CUL9: variants seen among roughly 807,000 people sequenced by gnomAD.
The protein encoded by CUL9 is cullin 9, also known as cullin-9.
Under a neutral mutation model 272.6 loss-of-function variants are expected in CUL9, and 79 were observed. The ratio of observed to expected loss-of-function variants is 0.29; its 90% CI spans 0.24 to 0.35. The LOEUF (loss-of-function observed/expected upper bound fraction) is 0.35, where lower values mean the gene tolerates loss of function less well. CUL9 is among the 10% of genes least tolerant of loss of function. The probability of loss-of-function intolerance (pLI) is 1.00; values close to 1 mark genes in which losing one functional copy is unlikely to be tolerated. For missense variants in CUL9, 2,532 were observed against 3,255.6 expected, an observed-to-expected ratio of 0.78 and a Z score of 5.41; for synonymous variants, 1,186 against 1,286.5, an observed-to-expected ratio of 0.92 and a Z score of 1.67.
Position 43,215,345 on chromosome 6 carries a change from C to G in CUL9, c.5936+19C>G, listed in dbSNP as rs747561945. 19 of 1,587,178 alleles carry G rather than the reference C, an allele frequency of 1.2e-5. No individual in the cohort carries two copies. In the African/African-American group the frequency reaches 2.0e-4, roughly 17 times the overall value. On this transcript the variant is annotated intron_variant, in intron 30 of 40. Transcript: ENST00000252050. ...AGCCCAGGTAGCCACTGCACCTGAC[C>G]CCTTGCAGTGAGGCGGGAGAGGTGG...
chr6:43,188,397 C>T (rs1773117818), intron 7 of CUL9, 126 bp from the exon 8 acceptor site: 1 of 983,108 alleles, frequency 1.0e-6, no homozygotes, highest in Admixed American at 2.9e-5. Flanking sequence ...AATTGGAAAA[C>T]TCTGCAAGCT....
chr6:43,206,095 CGCCTCCCACA>C lies in CUL9; in HGVS notation c.4885_4894del (p.Leu1629Ter), dbSNP rs1775024602. The C allele has an allele frequency of 1.2e-6, 2 of 1,614,052 alleles. No homozygotes were observed. On this transcript the variant is annotated frameshift_variant, in exon 25 of 41. Coordinates refer to ENST00000252050, the MANE Select transcript of CUL9 (RefSeq NM_015089.4). LOFTEE classifies it high-confidence loss of function. The surrounding 1 kb of genome is among the most constrained non-coding windows in gnomAD (Gnocchi z 4.8). ...GCAGATTGGCCTCTGTTTTCCCAAC[CGCCTCCCACA>C]GCTGATGCTGCAGAGCCTGAGCACC...
rs773274577 is a variant in CUL9 at position 43,187,104 on chromosome 6, AAG to A, written c.1387+12_1387+13del. 30 of 1,613,510 alleles carry A rather than the reference AAG, an allele frequency of 1.9e-5. No individual in the cohort carries two copies. ...TACTGTGTTGGGCACAGGTGAGCCT[AAG>A]AGGGGACATGGATAGCATGTCTCTG... On this transcript the variant is annotated intron_variant, in intron 5 of 40. Transcript: ENST00000252050.
Position 43,188,504 on chromosome 6 carries a change from CT to C in CUL9, c.1988-15del. 3 of 1,572,874 alleles carry C rather than the reference CT, an allele frequency of 1.9e-6. No individual in the cohort carries two copies. The highest frequency in any genetic ancestry group is 1.2e-5 in the South Asian group (1 of 84,484). ...GTGCCACAGTTCTTTTAGCCATTGC[CT>C]TTTCCCACCAATTTCAGAAATGGCC... is the stretch of plus-strand genomic sequence containing the variant. On this transcript the variant is annotated intron_variant, in intron 7 of 40. Transcript: ENST00000252050.
intron 20 of CUL9, 26 bp downstream of exon 20, chr6:43,204,013 C>T: frequency 6.4e-7 from 1 of 1,569,422 alleles, no homozygotes; most frequent in South Asian, 1.2e-5. Context: ...CCTGGCCCCA[C>T]TAACCAGTTC....
chr6:43,186,299 G>A lies in CUL9; in HGVS notation c.1095G>A (p.Gln365=), dbSNP rs772380914. ...TPRRQGWVFR[Q]RSEFSSRSGY... ...GAAGACAAGGGTGGGTCTTCCGCCA[G>A]CGCTCTGAATTCTCCAGCCGTAGTG... The change falls in exon 4 of 41, where the codon CAG becomes CAA. Residue 365 remains glutamine (Q), a synonymous_variant. Transcript: ENST00000252050. 1.2e-6 allele frequency: 2 copies of A among 1,614,108 alleles called. No individual in the cohort carries two copies. The highest frequency in any genetic ancestry group is 1.7e-6 in the Non-Finnish European group (2 of 1,180,062).
Position 43,222,311 on chromosome 6 carries a change from G to T in CUL9, c.6847-5G>T. On this transcript the variant is annotated splice_polypyrimidine_tract_variant and splice_region_variant and intron_variant, in intron 35 of 40. Transcript: ENST00000252050. ...CCAATAGCCCTCCCAACGTATCCTT[G>T]CTAGGTAAGCAAGGCAGCTCGCCAG... 1 of 1,613,904 alleles carries T rather than the reference G, an allele frequency of 6.2e-7. No individual in the cohort carries two copies. Among genetic ancestry groups the T allele is most frequent in the African/African-American group, 1.3e-5 (1 of 75,034 alleles).
At chr6:43,191,481 A>ATTTTTTTTTTTTTTTTTTTTTTTCTTT (rs1773487418) in intron 8 of CUL9, among the ~76,000 whole-genome samples, 1 of 97,480 alleles carries the variant, frequency 1.0e-5, no homozygotes, top group African/African-American at 5.1e-5. Context: ...CACCCAGCTA[A>ATTTTTTTTTTTTTTTTTTTTTTTCTTT]TTTTTTTTTT....
rs759041767 is a variant in CUL9, at chr6:43,196,131, T to G, written c.2451T>G (p.Asp817Glu). 1 of 1,614,134 alleles carries G rather than the reference T, an allele frequency of 6.2e-7. No individual in the cohort carries two copies. Among genetic ancestry groups the G allele is most frequent in the Admixed American group, 1.7e-5 (1 of 60,016 alleles). ...SEIPTFVTGRDSIHSLFDAQM... is the reference protein window; with the variant it reads ...SEIPTFVTGRESIHSLFDAQM... ...TCCCCACTTTTGTTACTGGCCGAGA[T>G]TCTATCCACTCTTTGTTTGATGCTC... The change falls in exon 10 of 41, where the codon GAT becomes GAG. Residue 817 changes from aspartate to glutamate, a missense_variant. Physicochemically the swap from Asp to Glu is conservative, Grantham distance 45. This residue lies in a region of CUL9 where 2,218 missense variants were observed against 2,788.6 expected (regional missense o/e 0.80). Coordinates refer to ENST00000252050, the MANE Select transcript of CUL9 (RefSeq NM_015089.4).
chr6:43,222,044 A>G (rs539440472), intron 35 of CUL9: 9 of 594,550 alleles, frequency 1.5e-5, no homozygotes, highest in Admixed American at 1.2e-4. Context: ...AGAAGGCAGC[A>G]GGGCAGAGCA....
intron 11 of CUL9, 92 bp from the exon 12 acceptor site, chr6:43,198,517 T>G (rs1774213924): frequency 1.9e-6 from 3 of 1,542,844 alleles, no homozygotes; most frequent in Admixed American, 4.0e-5. Context: ...AGGAAAATTT[T>G]GGGGTGATTT....
chr6:43,201,681 G>A (rs530614758), intron 16 of CUL9, among the ~76,000 whole-genome samples: 19 of 152,170 alleles, frequency 1.2e-4, no homozygotes, highest in Non-Finnish European at 2.1e-4. Context: ...GGGTTTCACC[G>A]TGTTAGTCAG....
Position 43,218,870 on chromosome 6 carries a change from T to C in CUL9, c.6283-1589T>C, listed in dbSNP as rs1270889331. 6.6e-6 allele frequency among the ~76,000 whole-genome samples: 1 copy of C among 151,978 alleles called. No homozygotes were observed. The highest frequency in any genetic ancestry group is 1.9e-4 in the East Asian group (1 of 5,178). The stretch of plus-strand genomic sequence containing the variant: ...GTGGAACTGGCAGGTAGACAGTGGA[T>C]TTTTGAATTTGGAATGAAGCAGAGA... On this transcript the variant is annotated intron_variant, in intron 31 of 40. Transcript: ENST00000252050. The surrounding 1 kb of genome is among the most constrained non-coding windows in gnomAD (Gnocchi z 4.4).
intron 31 of CUL9, among the ~76,000 whole-genome samples, chr6:43,219,747 G>A (rs531932940): frequency 4.6e-5 from 7 of 152,320 alleles, no homozygotes; most frequent in Admixed American, 3.3e-4. Context: ...GGCTGCAACG[G>A]CTGCTCGTGC....
At chr6:43,202,210 G>C (rs1196474660) in intron 16 of CUL9, among the ~76,000 whole-genome samples, 1 of 152,188 alleles carries the variant, frequency 6.6e-6, no homozygotes, top group Non-Finnish European at 1.5e-5. Context: ...AACAGGAAGC[G>C]GGACAGGTTT....
intron 9 of CUL9, among the ~76,000 whole-genome samples, chr6:43,194,056 A>G (rs779689181): frequency 3.3e-4 from 50 of 152,212 alleles, no homozygotes; most frequent in Middle Eastern, 3.2e-3. Flanking sequence ...AGTAGCTTAC[A>G]GAAGAATTGG....
chr6:43,192,134 T>C (rs1223016985), intron 8 of CUL9, among the ~76,000 whole-genome samples: 1 of 147,754 alleles, frequency 6.8e-6, no homozygotes, highest in East Asian at 2.0e-4. Context: ...TGATCACAGC[T>C]TGCTGCTGCC....
intron 20 of CUL9, 158 bp downstream of exon 20, chr6:43,204,145 C>T: frequency 1.8e-6 from 2 of 1,083,142 alleles, no homozygotes; most frequent in Non-Finnish European, 2.6e-6. Context: ...GCACTGCTCC[C>T]TGAGACTCTG....
chr6:43,199,960 G>C lies in CUL9; in HGVS notation c.3188G>C (p.Arg1063Pro), dbSNP rs752683860. The change falls in exon 14 of 41, where the codon CGC (arginine) becomes CCC (proline). Residue 1063 changes from arginine to proline, a missense_variant. Physicochemically the swap from Arg to Pro is moderately radical, Grantham distance 103 (BLOSUM62 -2). Coordinates refer to ENST00000252050, the MANE Select transcript of CUL9 (RefSeq NM_015089.4). The surrounding 1 kb of genome is among the most constrained non-coding windows in gnomAD (Gnocchi z 4.4). The stretch of plus-strand genomic sequence containing the variant: ...CAGGAGCTGACCTGCTTCCTACATC[G>C]CCTGGCCTCGATGCATAAGGACTAT... The part of the protein sequence containing the change: ...IVQELTCFLH[R>P]LASMHKDYAV... 1.2e-6 allele frequency: 2 copies of C among 1,613,972 alleles called. No individual in the cohort carries two copies. The highest frequency in any genetic ancestry group is 8.5e-7 in the Non-Finnish European group (1 of 1,180,018).
Sources: gnomAD v4.1 joint callset for allele counts (sites outside exome capture counted in the v4.1 genomes callset) on GRCh38, gnomAD v4.1.1 for gene constraint, gnomAD v4.1.1 regional missense constraint, Gnocchi (gnomAD v3.1) non-coding constraint, MANE v1.5 for transcripts, NCBI Gene and HGNC (gene_info 2026-07-23, HGNC 2026-07-21) for gene names.